Variants in MICAL2 observed in about 807,000 individuals in gnomAD.
MICAL2 encodes microtubule associated monooxygenase, calponin and LIM domain containing 2, also known as [F-actin]-monooxygenase MICAL2.
MICAL2 carries 77 observed loss-of-function variants against 127.3 expected under a neutral mutation model. The observed-to-expected ratio is 0.60, with a 90% CI of 0.50 to 0.73. The LOEUF (loss-of-function observed/expected upper bound fraction) is 0.73. Among genes scored for constraint, MICAL2 ranks in the 30% least tolerant of loss-of-function variants. The pLI, the probability that MICAL2 is intolerant of heterozygous loss-of-function variation, is 0.00. For missense variants in MICAL2, 1,351 were observed against 1,434.4 expected, an observed-to-expected ratio of 0.94 and a Z score of 0.94; for synonymous variants, 570 against 551.1, an observed-to-expected ratio of 1.03 and a Z score of -0.48.
upstream of MICAL2, among the ~76,000 whole-genome samples, chr11:12,273,200 G>A (rs1863691410): frequency 6.6e-6 from 1 of 152,208 alleles, no homozygotes; most frequent in Non-Finnish European, 1.5e-5. Context: ...CTCTGTGCTT[G>A]AGTTTTCTCA....
intron 23 of MICAL2, 185 bp from the exon 24 acceptor site, chr11:12,256,600 C>T: frequency 5.5e-6 from 3 of 548,866 alleles, no homozygotes; most frequent in Non-Finnish European, 6.3e-6. Context: ...GAAGCCCCTG[C>T]AGGGTTGGGG....
chr11:12,116,351 ATTTTTTTTTT>A (rs56280931), intron 1 of MICAL2, among the ~76,000 whole-genome samples: 47 of 107,730 alleles, frequency 4.4e-4, no homozygotes, highest in Middle Eastern at 4.9e-3. Context: ...CTTGATTTTG[ATTTTTTTTTT>A]TTTTTTTTTT....
chr11:12,126,835 T>G (rs1227617486), intron 1 of MICAL2, among the ~76,000 whole-genome samples: 1 of 151,058 alleles, frequency 6.6e-6, no homozygotes, highest in Non-Finnish European at 1.5e-5. Context: ...GTGTGGGGAG[T>G]GTTTTCTGTG....
At position 12,209,573 on chromosome 11, in the gene MICAL2, C is replaced by T. The variant is rs145597085; in HGVS notation, c.666C>T (p.Ala222=). 2,315 of 1,614,008 alleles carry T rather than the reference C, an allele frequency of 1.4e-3. 3 individuals are homozygous for T. The highest frequency in any genetic ancestry group is 1.8e-3 in the Non-Finnish European group (2,142 of 1,179,944). ...SEFEFDVIIG[A]DGRRNTLEGF... ...TTGAGTTTGACGTCATCATTGGTGC[C>T]GATGGCCGCAGGAACACCCTGGAAG... The change falls in exon 6 of 28, where the codon GCC becomes GCT. Residue 222 remains alanine, a synonymous_variant. Transcript: ENST00000683283.
rs1305186931 is a variant in MICAL2, at chr11:12,330,857, GGGGT to G, written c.5515+3592_5515+3595del. Reference sequence around the variant, plus strand: ...ACAGAGAGAGAGAGAGACAGAGAGAGGGGTAGAGAGAGAGAGAGAGAGAGACAGA... The same window carrying G: ...ACAGAGAGAGAGAGAGACAGAGAGAGAGAGAGAGAGAGAGAGAGAGACAGA... On this transcript the variant is annotated intron_variant, in intron 32 of 34. Coordinates refer to the MICAL2 transcript ENST00000646065. 5.1e-4 allele frequency among the ~76,000 whole-genome samples: 68 copies of G among 132,494 alleles called. 1 individual carries two copies. The highest frequency in any genetic ancestry group is 8.2e-4 in the African/African-American group (31 of 37,638). 86.9% of individuals were successfully genotyped at this position (132,494 alleles called of 152,430 possible).
At chr11:12,185,548 C>G (rs1266896037) in intron 3 of MICAL2, among the ~76,000 whole-genome samples, 1 of 152,074 alleles carries the variant, frequency 6.6e-6, no homozygotes, top group Non-Finnish European at 1.5e-5. Flanking sequence ...ACTGAGCTTC[C>G]TAGCAAGTCT....
At chr11:12,350,484 A>G (rs1041099011) in intron 33 of MICAL2, among the ~76,000 whole-genome samples, 16 of 152,192 alleles carry the variant, frequency 1.1e-4, no homozygotes, top group African/African-American at 3.6e-4. Context: ...TTCTAGAGGG[A>G]AAAAAGTAAC....
chr11:12,137,674 A>C lies in MICAL2; in HGVS notation c.-148-716A>C, dbSNP rs537102253. Among the ~76,000 whole-genome samples, 4 of 152,298 alleles carry C rather than the reference A, an allele frequency of 2.6e-5. No homozygotes were observed. In the South Asian group the frequency reaches 6.2e-4, roughly 24 times the overall value. On this transcript the variant is annotated intron_variant, in intron 1 of 27. Transcript: ENST00000683283. ...TGTGCGTATACCTCCCTGGAGTATG[A>C]ATATTGCCTCTTATAGATGTCAAAT...
chr11:12,330,900 A>AGTGTGTGTGTGTGT (rs200754218), intron 32 of MICAL2, among the ~76,000 whole-genome samples: 1 of 119,348 alleles, frequency 8.4e-6, no homozygotes, highest in Non-Finnish European at 1.8e-5. Context: ...AGAGAGAGAG[A>AGTGTGTGTGTGTGT]GTGTGTGTGT....
At chr11:12,143,093 A>G (rs1035020569) in intron 2 of MICAL2, among the ~76,000 whole-genome samples, 1 of 152,144 alleles carries the variant, frequency 6.6e-6, no homozygotes, top group African/African-American at 2.4e-5. Context: ...ATCGCTCTGG[A>G]AGCACTGAGA....
At chr11:12,186,948 G>T (rs755115399) in intron 3 of MICAL2, among the ~76,000 whole-genome samples, 1 of 152,222 alleles carries the variant, frequency 6.6e-6, no homozygotes, top group Non-Finnish European at 1.5e-5. Flanking sequence ...TGGTTCTCAA[G>T]GTGATCTGCC....
intron 3 of MICAL2, 36 bp from the exon 4 acceptor site, chr11:12,204,214 G>T: frequency 1.3e-6 from 2 of 1,599,032 alleles, no homozygotes; most frequent in Non-Finnish European, 1.7e-6. Context: ...GATGCTAGAG[G>T]TTACCAAGAG....
chr11:12,183,347 G>A (rs535093282), intron 3 of MICAL2, among the ~76,000 whole-genome samples: 2 of 152,236 alleles, frequency 1.3e-5, no homozygotes, highest in South Asian at 2.1e-4. Flanking sequence ...CCAGCTGACC[G>A]CTGCATTGCT....
chr11:12,233,700 A>C (rs1269076043), intron 15 of MICAL2, among the ~76,000 whole-genome samples: 1 of 152,222 alleles, frequency 6.6e-6, no homozygotes, highest in African/African-American at 2.4e-5. Context: ...CTTAGGGCGG[A>C]AGAGCTGGAA....
intron 1 of MICAL2, among the ~76,000 whole-genome samples, chr11:12,136,721 A>G (rs1851868085): frequency 6.6e-6 from 1 of 152,172 alleles, no homozygotes; most frequent in African/African-American, 2.4e-5. Context: ...TGGTCAGACA[A>G]AGGGTACGAG....
intron 32 of MICAL2, among the ~76,000 whole-genome samples, chr11:12,334,287 A>G (rs926983303): frequency 6.6e-6 from 1 of 152,168 alleles, no homozygotes; most frequent in Admixed American, 6.6e-5. Flanking sequence ...CATACTTGAA[A>G]TCATCTCTAG....
At chr11:12,174,695 A>G (rs527698062) in intron 3 of MICAL2, among the ~76,000 whole-genome samples, 1 of 152,154 alleles carries the variant, frequency 6.6e-6, no homozygotes, top group African/African-American at 2.4e-5. Context: ...TTTTAGGTAT[A>G]TACCAGGAGT....
At chr11:12,165,107 C>G (rs1012500122) in intron 3 of MICAL2, among the ~76,000 whole-genome samples, 3 of 148,286 alleles carry the variant, frequency 2.0e-5, no homozygotes, top group African/African-American at 7.5e-5. Context: ...CCGCTGCACT[C>G]CAGCCTGGGT....
intron 29 of MICAL2, among the ~76,000 whole-genome samples, chr11:12,300,281 C>T (rs572698665): frequency 1.1e-3 from 160 of 151,958 alleles, no homozygotes; most frequent in African/African-American, 3.5e-3. Context: ...GCGACAAGAG[C>T]AAAACTCCAT....
Sources: gnomAD v4.1 joint callset for allele counts (sites outside exome capture counted in the v4.1 genomes callset) on GRCh38, gnomAD v4.1.1 for gene constraint, MANE v1.5 for transcripts, NCBI Gene and HGNC (gene_info 2026-07-23, HGNC 2026-07-21) for gene names.